The following IL13RA1 variants were observed in gnomAD, a reference collection of about 807,000 sequenced individuals.
IL13RA1 encodes the protein interleukin-13 receptor subunit alpha-1.
In IL13RA1, 14 loss-of-function variants were observed where a neutral mutation model predicts 33.8. The observed-to-expected ratio is 0.41, with a 90% CI of 0.27 to 0.65. The LOEUF is 0.65. Ranked by LOEUF, IL13RA1 falls within the 30% of genes least tolerant of loss-of-function variation. The pLI is 0.28. For missense variants in IL13RA1, 313 were observed against 327.0 expected (o/e 0.96, Z 0.33); for synonymous variants, 116 against 115.7 (o/e 1.00, Z -0.02).
At chrX:118,733,052 A>G (rs1051522949) in intron 1 of IL13RA1, among the ~76,000 whole-genome samples, 8 of 112,279 alleles carry the variant, frequency 7.1e-5, no homozygotes, top group South Asian at 3.7e-4. Flanking sequence ...TTATCTGTCA[A>G]TGGACACTTA....
chrX:118,786,645 A>G (rs2495632), intron 10 of IL13RA1, among the ~76,000 whole-genome samples: 32,442 of 111,022 alleles, frequency 0.29, 4,313 homozygotes, highest in African/African-American at 0.48. Context: ...CCATCCTCTA[A>G]TGAATTACAT....
chrX:118,728,592 C>T (rs2017182551), intron 1 of IL13RA1, among the ~76,000 whole-genome samples: 1 of 111,974 alleles, frequency 8.9e-6, no homozygotes, highest in African/African-American at 3.3e-5. Flanking sequence ...ACAATGAAAG[C>T]CCCAAACTGT....
At chrX:118,728,206 G>A (rs981546199) in intron 1 of IL13RA1, among the ~76,000 whole-genome samples, 2 of 112,423 alleles carry the variant, frequency 1.8e-5, no homozygotes, top group African/African-American at 6.5e-5. Flanking sequence ...CTCTTTGCCC[G>A]AGGCCGCGCC....
chrX:118,771,960 G>A (rs1668224562), intron 8 of IL13RA1, among the ~76,000 whole-genome samples: 1 of 111,816 alleles, frequency 8.9e-6, no homozygotes, highest in Non-Finnish European at 1.9e-5. Context: ...GTGACAGAGT[G>A]AGACTCTGTC....
chrX:118,744,912 A>C (rs1274579048), intron 2 of IL13RA1, among the ~76,000 whole-genome samples: 1 of 111,930 alleles, frequency 8.9e-6, no homozygotes, highest in Non-Finnish European at 1.9e-5. Flanking sequence ...CAAAGGGCAA[A>C]TATAGCTTCC....
chrX:118,787,511 G>C (rs1207166840), intron 10 of IL13RA1, among the ~76,000 whole-genome samples: 5 of 111,259 alleles, frequency 4.5e-5, no homozygotes, highest in African/African-American at 1.6e-4. Context: ...CAGGAAACAG[G>C]GTTTGAGAGC....
Position 118,784,090 on chromosome X carries a change from AAT to A in IL13RA1, c.1191+7597_1191+7598del, listed in dbSNP as rs1556372974. ...AGACTCTGTCGCCAAAAAAAAAAAA[AAT>A]ATATATATATATATATACGTATATA... On this transcript the variant is annotated intron_variant, in intron 10 of 10. Transcript: ENST00000371666. 5.6e-4 allele frequency among the ~76,000 whole-genome samples: 36 copies of A among 63,954 alleles called. 2 individuals are homozygous for A. The East Asian group carries it at 0.013, about 23-fold the overall frequency. The allele number at this position is 63,954 out of a possible 115,157, so 55.5% of individuals were successfully genotyped here.
chrX:118,791,664 T>A, intron 10 of IL13RA1, 98 bp from the exon 11 acceptor site: 1 of 377,736 alleles, frequency 2.6e-6, no homozygotes, highest in Non-Finnish European at 4.7e-6. Context: ...TACGGTTCCA[T>A]CCACACAAAC....
chrX:118,796,261 C>T (rs908337938), downstream of IL13RA1, among the ~76,000 whole-genome samples: 3 of 111,881 alleles, frequency 2.7e-5, no homozygotes, highest in Non-Finnish European at 3.8e-5. Context: ...GTGTTGTTAA[C>T]GTCATTTTAC....
At chrX:118,804,031 G>A in the IL13RA1 span, among the ~76,000 whole-genome samples, 10 of 101,225 alleles carry the variant, frequency 9.9e-5, no homozygotes, top group African/African-American at 2.9e-4. Context: ...ATCTCGGCTC[G>A]CTGCAACCTC....
At chrX:118,773,848 C>G (rs1196249339) in intron 8 of IL13RA1, 31 bp from the exon 9 acceptor site, 1 of 683,927 alleles carries the variant, frequency 1.5e-6, no homozygotes. Context: ...TTTTATTTCT[C>G]AAGTCTTTCT....
Position 118,792,671 on chromosome X carries a change from CA to C in IL13RA1, c.*824del. The stretch of plus-strand genomic sequence containing the variant: ...AAAAACAAAACAAAACAAAACAAAA[CA>C]AAAAAACCTCTTAATATTCTGGAGT... On this transcript the variant is annotated 3_prime_UTR_variant, in exon 11 of 11. Coordinates refer to ENST00000371666, the MANE Select transcript of IL13RA1 (RefSeq NM_001560.3). 1 of 113,842 alleles carries C rather than the reference CA, an allele frequency of 8.8e-6. No homozygotes were observed. The highest frequency in any genetic ancestry group is 1.9e-5 in the Non-Finnish European group (1 of 54,024). The allele number at this position is 113,842 out of a possible 1,213,427, so 9.4% of individuals were successfully genotyped here.
At chrX:118,784,086 A>ATATATATATATAT (rs1569459346) in intron 10 of IL13RA1, among the ~76,000 whole-genome samples, 9 of 53,392 alleles carry the variant, frequency 1.7e-4, no homozygotes, top group African/African-American at 7.7e-4. Context: ...CCAAAAAAAA[A>ATATATATATATAT]AAAAATATAT....
downstream of IL13RA1, among the ~76,000 whole-genome samples, chrX:118,798,579 C>T (rs1052234650): frequency 2.7e-5 from 3 of 112,257 alleles, no homozygotes; most frequent in Non-Finnish European, 5.6e-5. Context: ...GGCCGAGCAC[C>T]TAGCTGCCAT....
chrX:118,744,489 TC>T (rs1158009886), intron 2 of IL13RA1, among the ~76,000 whole-genome samples: 2 of 111,641 alleles, frequency 1.8e-5, no homozygotes, highest in African/African-American at 6.5e-5. Context: ...AACCTCTGCC[TC>T]CTAAGTTCAA....
chrX:118,755,173 T>C (rs1387201359), intron 4 of IL13RA1, among the ~76,000 whole-genome samples: 3 of 110,007 alleles, frequency 2.7e-5, no homozygotes, highest in South Asian at 3.9e-4. Flanking sequence ...GGTCTGGAAC[T>C]CCTGACCTCA....
At position 118,794,088 on chromosome X, in the gene IL13RA1, A is replaced by G. The variant is rs2018006742; in HGVS notation, c.*2234A>G. Reference sequence around the variant, plus strand: ...AGAGGATGCTGTGAAATTCCCAACAAACATTGATGCTGACAGTCATGCAGT... The same window carrying G: ...AGAGGATGCTGTGAAATTCCCAACAGACATTGATGCTGACAGTCATGCAGT... On this transcript the variant is annotated 3_prime_UTR_variant, in exon 11 of 11. Coordinates refer to ENST00000371666, the MANE Select transcript of IL13RA1 (RefSeq NM_001560.3). 1 of 112,062 alleles carries G rather than the reference A, an allele frequency of 8.9e-6. No homozygotes were observed. The highest frequency in any genetic ancestry group is 9.5e-5 in the Admixed American group (1 of 10,572). The allele number at this position is 112,062 out of a possible 1,213,427, so 9.2% of individuals were successfully genotyped here.
chrX:118,727,632 A>G lies in IL13RA1; in HGVS notation c.-7A>G. 1.1e-6 allele frequency: 1 copy of G among 912,326 alleles called. No homozygotes were observed. Among genetic ancestry groups the G allele is most frequent in the Admixed American group, 5.7e-5 (1 of 17,691 alleles). The allele number at this position is 912,326 out of a possible 1,213,427, so 75.2% of individuals were successfully genotyped here. A position where few individuals can be genotyped will look rare whatever the true frequency, so the allele number is the denominator to read the frequency against. On this transcript the variant is annotated 5_prime_UTR_variant, in exon 1 of 11. Transcript: ENST00000371666. ...CAGCCCGGCCGGGCTCCGAGGCGAG[A>G]GGCTGCATGGAGTGGCCGGCGCGGC...
At chrX:118,740,115 C>A (rs2017326028) in intron 1 of IL13RA1, among the ~76,000 whole-genome samples, 1 of 111,924 alleles carries the variant, frequency 8.9e-6, no homozygotes, top group Admixed American at 9.5e-5. Flanking sequence ...AGGCATGTAC[C>A]AGCATGTTTG....
Sources: gnomAD v4.1 joint callset for allele counts (sites outside exome capture counted in the v4.1 genomes callset) on GRCh38, gnomAD v4.1.1 for gene constraint, MANE v1.5 for transcripts, NCBI Gene and HGNC (gene_info 2026-07-23, HGNC 2026-07-21) for gene names.